The following TRIM2 variants were observed in gnomAD, a reference collection of about 807,000 sequenced individuals.
TRIM2 encodes the protein tripartite motif-containing protein 2.
Under a neutral mutation model 75.2 loss-of-function variants are expected in TRIM2, and 20 were observed. The observed-to-expected ratio is 0.27, with a 90% CI of 0.19 to 0.39. The LOEUF (loss-of-function observed/expected upper bound fraction) is 0.39, where lower values mean the gene tolerates loss of function less well. Among genes scored for constraint, TRIM2 ranks in the 10% least tolerant of loss-of-function variants. The probability of loss-of-function intolerance (pLI) is 1.00; values close to 1 mark genes in which losing one functional copy is unlikely to be tolerated. For synonymous variants in TRIM2, 373 were observed against 388.3 expected (o/e 0.96, Z 0.46); for missense variants, 660 against 990.8 (o/e 0.67, Z 4.48).
chr4:153,187,065 C>A (rs1263102073), intron 1 of TRIM2, among the ~76,000 whole-genome samples: 1 of 152,132 alleles, frequency 6.6e-6, no homozygotes, highest in African/African-American at 2.4e-5. Context: ...AGGAAGATAA[C>A]CCTGATGAAG....
rs921683447 is a variant in TRIM2, at chr4:153,336,353, A to C, written c.*1387A>C. 16 of 984,672 alleles carry C rather than the reference A, an allele frequency of 1.6e-5. No homozygotes were observed. The East Asian group carries it at 3.4e-4, about 21-fold the overall frequency. The allele number at this position is 984,672 out of a possible 1,614,324, so 61.0% of individuals were successfully genotyped here. A position where few individuals can be genotyped will look rare whatever the true frequency, so the allele number is the denominator to read the frequency against. On this transcript the variant is annotated 3_prime_UTR_variant, in exon 12 of 12. Transcript: ENST00000338700. ...AAATGGCCTTCTGTGCTTTCAAAAAAAAAAACAAAAAAAAAACCACACACA... is the reference window on the plus strand; with the variant it reads ...AAATGGCCTTCTGTGCTTTCAAAAACAAAAACAAAAAAAAAACCACACACA...
chr4:153,228,742 C>T (rs35918067), intron 1 of TRIM2, among the ~76,000 whole-genome samples: 23,250 of 152,264 alleles, frequency 0.15, 2,718 homozygotes, highest in East Asian at 0.53. Flanking sequence ...CCCCAGGTCA[C>T]GCGGCAGTCA....
intron 1 of TRIM2, among the ~76,000 whole-genome samples, chr4:153,227,183 C>T (rs893392404): frequency 6.6e-6 from 1 of 152,158 alleles, no homozygotes; most frequent in African/African-American, 2.4e-5. Context: ...AATTTGTTTC[C>T]TTTGGCAGTG....
At chr4:153,264,715 A>C (rs942786476) in intron 1 of TRIM2, among the ~76,000 whole-genome samples, 19 of 152,202 alleles carry the variant, frequency 1.2e-4, no homozygotes, top group African/African-American at 4.6e-4. Context: ...CACAGTGCTT[A>C]TTAGCTCATT....
intron 3 of TRIM2, among the ~76,000 whole-genome samples, chr4:153,289,270 C>A (rs1761347037): frequency 6.6e-6 from 1 of 152,056 alleles, no homozygotes; most frequent in African/African-American, 2.4e-5. Context: ...GGTGACTTTT[C>A]TAAACTAATT....
chr4:153,293,658 G>A (rs867031542), intron 4 of TRIM2, among the ~76,000 whole-genome samples: 4 of 152,162 alleles, frequency 2.6e-5, no homozygotes, highest in Non-Finnish European at 5.9e-5. Flanking sequence ...CCAAAGAGAG[G>A]AAATGAGAAG....
At chr4:153,201,338 G>A (rs1015566514), upstream of TRIM2, among the ~76,000 whole-genome samples, 3 of 152,036 alleles carry the variant, frequency 2.0e-5, no homozygotes, top group Non-Finnish European at 4.4e-5. Context: ...GGACATTTAT[G>A]TATTATTCTT....
chr4:153,224,606 G>T (rs886634458), intron 1 of TRIM2, among the ~76,000 whole-genome samples: 1 of 152,152 alleles, frequency 6.6e-6, no homozygotes, highest in Non-Finnish European at 1.5e-5. Context: ...TTAGATGACT[G>T]TCTCTTATCA....
chr4:153,336,811 A>G lies in TRIM2; in HGVS notation c.*1845A>G, dbSNP rs1772505050. On this transcript the variant is annotated 3_prime_UTR_variant, in exon 12 of 12. Transcript: ENST00000338700. ...CCTCTGAAAAAAGGTTTTTCCAGGA[A>G]GATTTACATTTAGGTTTAATATTTT... 3.0e-6 allele frequency: 3 copies of G among 985,570 alleles called. No individual in the cohort carries two copies. In the African/African-American group the frequency reaches 5.2e-5, roughly 17 times the overall value. 61.1% of individuals were successfully genotyped at this position (985,570 alleles called of 1,614,324 possible). A position where few individuals can be genotyped will look rare whatever the true frequency, so the allele number is the denominator to read the frequency against.
chr4:153,196,463 A>G (rs1195779885), intron 1 of TRIM2, among the ~76,000 whole-genome samples: 1 of 152,116 alleles, frequency 6.6e-6, no homozygotes, highest in African/African-American at 2.4e-5. Flanking sequence ...ATAAAAAAGT[A>G]AACAAAGTTT....
chr4:153,263,755 C>G (rs191482550), intron 1 of TRIM2, among the ~76,000 whole-genome samples: 1 of 152,336 alleles, frequency 6.6e-6, no homozygotes, highest in East Asian at 1.9e-4. Flanking sequence ...GTTAGGAAAT[C>G]TGAGATCAGG....
intron 1 of TRIM2, among the ~76,000 whole-genome samples, chr4:153,171,851 TTTTC>T (rs72355044): frequency 0.13 from 18,855 of 149,150 alleles, 1,719 homozygotes; most frequent in Non-Finnish European, 0.19. Flanking sequence ...TTTTTTTTTT[TTTTC>T]GCTAATGTAT....
chr4:153,214,789 G>C (rs532223607), intron 1 of TRIM2, among the ~76,000 whole-genome samples: 9 of 152,270 alleles, frequency 5.9e-5, no homozygotes, highest in Admixed American at 5.9e-4. Context: ...GTCTGGGTTG[G>C]AGCCTTAAAT....
intron 6 of TRIM2, among the ~76,000 whole-genome samples, chr4:153,297,379 C>G (rs543230740): frequency 2.0e-5 from 3 of 152,254 alleles, no homozygotes; most frequent in Admixed American, 6.5e-5. Flanking sequence ...CTTACTTGAG[C>G]CTTGGGCAAA....
At chr4:153,273,742 T>A (rs900151070) in intron 2 of TRIM2, among the ~76,000 whole-genome samples, 3 of 152,058 alleles carry the variant, frequency 2.0e-5, no homozygotes, top group Admixed American at 2.0e-4. Context: ...TAATGTGAAA[T>A]TAAACCAGTG....
At chr4:153,225,178 CCTT>C (rs1741776705) in intron 1 of TRIM2, among the ~76,000 whole-genome samples, 1 of 152,138 alleles carries the variant, frequency 6.6e-6, no homozygotes, top group African/African-American at 2.4e-5. Context: ...AGAACTTTCT[CCTT>C]CTTTCACCAC....
At chr4:153,240,629 ATG>A in intron 1 of TRIM2, among the ~76,000 whole-genome samples, 1 of 152,224 alleles carries the variant, frequency 6.6e-6, no homozygotes, top group African/African-American at 2.4e-5. Context: ...TTCAGAATAC[ATG>A]AAAAAGCAAG....
rs142457664 is a variant in TRIM2, at chr4:153,239,832, C to CTTTTTTT, written c.31-30502_31-30501insTTTTTTT. On this transcript the variant is annotated intron_variant, in intron 1 of 11. Coordinates refer to ENST00000338700, the MANE Select transcript of TRIM2 (RefSeq NM_015271.5). ...GCATGACAGCATCCTAACTTTCTTTCTCTTTTTTTTTTTTTTTTTTGTAAG... is the reference window on the plus strand; with the variant it reads ...GCATGACAGCATCCTAACTTTCTTTCTTTTTTTTCTTTTTTTTTTTTTTTTTTGTAAG... Among the ~76,000 whole-genome samples the CTTTTTTT allele has an allele frequency of 5.6e-4, 78 of 139,426 alleles. 3 individuals are homozygous for CTTTTTTT. The highest frequency in any genetic ancestry group is 1.0e-3 in the African/African-American group (38 of 37,022). 91.5% of individuals were successfully genotyped at this position (139,426 alleles called of 152,430 possible).
chr4:153,249,404 C>A (rs1423838742), intron 1 of TRIM2, among the ~76,000 whole-genome samples: 1 of 152,234 alleles, frequency 6.6e-6, no homozygotes, highest in African/African-American at 2.4e-5. Flanking sequence ...TCTGAGATTT[C>A]CCCAGGTCGG....
Sources: allele counts gnomAD v4.1 joint callset (sites outside exome capture counted in the v4.1 genomes callset), GRCh38; gene constraint gnomAD v4.1.1; transcripts MANE v1.5; gene names NCBI Gene and HGNC (gene_info 2026-07-23, HGNC 2026-07-21).